DOCK7: variants seen among roughly 807,000 people sequenced by gnomAD.
DOCK7 encodes the protein dedicator of cytokinesis protein 7.
Under a neutral mutation model 271.0 loss-of-function variants are expected in DOCK7, and 138 were observed. That is an observed-to-expected ratio of 0.51 (90% CI 0.44 to 0.59). The LOEUF (loss-of-function observed/expected upper bound fraction) is 0.59, where lower values mean the gene tolerates loss of function less well. Among genes scored for constraint, DOCK7 ranks in the 20% least tolerant of loss-of-function variants. DOCK7 has a pLI of 0.00. For missense variants in DOCK7, 2,066 were observed against 2,592.4 expected, an observed-to-expected ratio of 0.80 and a Z score of 4.41; for synonymous variants, 823 against 876.1, an observed-to-expected ratio of 0.94 and a Z score of 1.07.
chr1:62,648,750 C>T (rs1219435253), intron 4 of DOCK7, among the ~76,000 whole-genome samples: 2 of 151,858 alleles, frequency 1.3e-5, no homozygotes, highest in East Asian at 3.9e-4. Context: ...TTTCCAAAAG[C>T]AAATCATATT....
rs59893499 is a variant in DOCK7 at position 62,562,233 on chromosome 1, C to CTTTTTTTTTTTTTTT, written c.2113-545_2113-531dup. Among the ~76,000 whole-genome samples, 6 of 121,256 alleles carry CTTTTTTTTTTTTTTT rather than the reference C, an allele frequency of 4.9e-5. 1 individual carries two copies. The highest frequency in any genetic ancestry group is 8.3e-5 in the Non-Finnish European group (5 of 60,348). The allele number at this position is 121,256 out of a possible 152,430, so 79.5% of individuals were successfully genotyped here. A position where few individuals can be genotyped will look rare whatever the true frequency, so the allele number is the denominator to read the frequency against. The stretch of plus-strand genomic sequence containing the variant: ...GCCTGTTGGTTTAAGGATCCAAAAA[C>CTTTTTTTTTTTTTTT]TTTTTTTTTTTTTTTTGAAATAGAG... On this transcript the variant is annotated intron_variant, in intron 18 of 49. Transcript: ENST00000635253.
chr1:62,477,316 G>A (rs190399529), intron 44 of DOCK7, among the ~76,000 whole-genome samples: 1 of 152,174 alleles, frequency 6.6e-6, no homozygotes, highest in Non-Finnish European at 1.5e-5. Flanking sequence ...TTAAGCCAAA[G>A]AGATAATATG....
At chr1:62,597,728 A>G in intron 14 of DOCK7, 1 of 1,613,618 alleles carries the variant, frequency 6.2e-7, no homozygotes. Flanking sequence ...TTCAGTTGGG[A>G]CATGGTCTTA....
intron 42 of DOCK7, chr1:62,487,624 T>C: frequency 2.2e-6 from 1 of 455,940 alleles, no homozygotes; most frequent in South Asian, 3.7e-5. Context: ...TTAAAAACTT[T>C]AAGTGAAAGT....
At chr1:62,540,083 C>A (rs974455094) in intron 25 of DOCK7, among the ~76,000 whole-genome samples, 191 bp from the exon 26 acceptor site, 8 of 151,724 alleles carry the variant, frequency 5.3e-5, no homozygotes, top group Non-Finnish European at 1.2e-4. Context: ...AAAAAAACCA[C>A]CATATTACTT....
At chr1:62,651,078 A>G (rs1289525906) in intron 4 of DOCK7, among the ~76,000 whole-genome samples, 4 of 152,040 alleles carry the variant, frequency 2.6e-5, no homozygotes, top group African/African-American at 9.7e-5. Context: ...GGATTAAGAA[A>G]ATGTGGCACA....
At chr1:62,645,246 T>C (rs185792959) in intron 7 of DOCK7, among the ~76,000 whole-genome samples, 9 of 152,114 alleles carry the variant, frequency 5.9e-5, no homozygotes, top group African/African-American at 1.9e-4. Flanking sequence ...AAAACCTATA[T>C]ACAAATTATC....
chr1:62,519,770 T>A (rs1347732489), intron 31 of DOCK7, among the ~76,000 whole-genome samples: 1 of 152,016 alleles, frequency 6.6e-6, no homozygotes, highest in Non-Finnish European at 1.5e-5. Context: ...AAGATACACA[T>A]TTTTTAAAAA....
chr1:62,585,665 C>T (rs1216701627), intron 15 of DOCK7, among the ~76,000 whole-genome samples: 1 of 152,124 alleles, frequency 6.6e-6, no homozygotes, highest in African/African-American at 2.4e-5. Context: ...TTTCCTTTCC[C>T]TGCTCTCCAA....
intron 29 of DOCK7, among the ~76,000 whole-genome samples, chr1:62,531,115 T>G (rs1645161764): frequency 6.6e-6 from 1 of 152,228 alleles, no homozygotes; most frequent in Admixed American, 6.5e-5. Flanking sequence ...TTTTCTCCAG[T>G]AGTTCCCACC....
chr1:62,635,092 T>C (rs943590722), intron 8 of DOCK7, 170 bp from the exon 9 acceptor site: 26 of 418,786 alleles, frequency 6.2e-5, no homozygotes, highest in Non-Finnish European at 1.0e-4. Context: ...ATAAATTAAA[T>C]TTCTATTTTC....
chr1:62,677,686 A>C (rs998671267), intron 1 of DOCK7, among the ~76,000 whole-genome samples: 5 of 152,220 alleles, frequency 3.3e-5, no homozygotes, highest in African/African-American at 1.2e-4. Flanking sequence ...GACTGGAATG[A>C]AGAAGAAAAG....
intron 48 of DOCK7, among the ~76,000 whole-genome samples, chr1:62,461,171 G>A (rs934262189): frequency 6.6e-6 from 1 of 152,186 alleles, no homozygotes; most frequent in South Asian, 2.1e-4. Context: ...ATACTTAGTG[G>A]TGAAAACCCT....
At chr1:62,672,736 ATT>A (rs1322471503) in intron 1 of DOCK7, among the ~76,000 whole-genome samples, 4 of 152,120 alleles carry the variant, frequency 2.6e-5, no homozygotes, top group Admixed American at 2.6e-4. Flanking sequence ...AAAAATAGAT[ATT>A]TTTAGATACA....
intron 37 of DOCK7, among the ~76,000 whole-genome samples, chr1:62,500,000 T>C (rs1461304732): frequency 6.6e-6 from 1 of 151,632 alleles, no homozygotes; most frequent in Non-Finnish European, 1.5e-5. Flanking sequence ...CCAGAAAGTT[T>C]AGGCAGTTAG....
intron 2 of DOCK7, 121 bp downstream of exon 2, chr1:62,662,904 G>A: frequency 1.6e-6 from 1 of 642,246 alleles, no homozygotes; most frequent in Non-Finnish European, 2.5e-6. Flanking sequence ...ACAAAATGAG[G>A]TAACAAGTAA....
At chr1:62,560,728 TTC>T (rs1355465248) in intron 19 of DOCK7, among the ~76,000 whole-genome samples, 5 of 152,172 alleles carry the variant, frequency 3.3e-5, no homozygotes, top group African/African-American at 4.8e-5. Flanking sequence ...CACTCTCCCT[TTC>T]TCTGAGTAGT....
intron 33 of DOCK7, among the ~76,000 whole-genome samples, chr1:62,512,209 T>A (rs556312595): frequency 6.6e-6 from 1 of 152,344 alleles, no homozygotes; most frequent in South Asian, 2.1e-4. Flanking sequence ...CATTCACACT[T>A]ACATTCATAT....
At chr1:62,644,360 C>A (rs1656381409) in intron 7 of DOCK7, among the ~76,000 whole-genome samples, 1 of 152,146 alleles carries the variant, frequency 6.6e-6, no homozygotes, top group Non-Finnish European at 1.5e-5. Flanking sequence ...GCCGAAGTTG[C>A]AGCAAACAAA....
Sources: gnomAD v4.1 joint callset for allele counts (sites outside exome capture counted in the v4.1 genomes callset) on GRCh38, gnomAD v4.1.1 for gene constraint, MANE v1.5 for transcripts, NCBI Gene and HGNC (gene_info 2026-07-23, HGNC 2026-07-21) for gene names.